TNRC6A: variants seen among roughly 807,000 people sequenced by gnomAD.
TNRC6A encodes the protein trinucleotide repeat containing adaptor 6A, also known as trinucleotide repeat-containing gene 6A protein.
In TNRC6A, 44 loss-of-function variants were observed where a neutral mutation model predicts 221.2. The observed-to-expected ratio is 0.20, with a 90% CI of 0.16 to 0.26. TNRC6A has a LOEUF of 0.26. Among genes scored for constraint, TNRC6A ranks in the 10% least tolerant of loss-of-function variants. TNRC6A has a pLI of 1.00. For synonymous variants in TNRC6A, 847 were observed against 838.5 expected (o/e 1.01, Z -0.18); for missense variants, 2,199 against 2,404.4 (o/e 0.91, Z 1.79).
chr16:24,819,963 G>A (rs893598723), intron 21 of TNRC6A, among the ~76,000 whole-genome samples, 176 bp from the exon 22 acceptor site: 22 of 152,178 alleles, frequency 1.4e-4, no homozygotes, highest in African/African-American at 5.1e-4. Context: ...TTGGAGGGAT[G>A]GAAAGCAGTT....
At chr16:24,642,544 G>C (rs1353592423) in intron 2 of TNRC6A, among the ~76,000 whole-genome samples, 2 of 152,164 alleles carry the variant, frequency 1.3e-5, no homozygotes, top group African/African-American at 4.8e-5. Flanking sequence ...CAGGCCGAGC[G>C]CAGTGGCTCA....
rs374153917 is a variant in TNRC6A, at chr16:24,687,825, A to G, written n.402+46816A>G. Among the ~76,000 whole-genome samples the G allele has an allele frequency of 1.5e-3, 199 of 134,846 alleles. 2 individuals carry two copies. Among genetic ancestry groups the G allele is most frequent in the African/African-American group, 5.2e-3 (175 of 33,580 alleles). The allele number at this position is 134,846 out of a possible 152,430, so 88.5% of individuals were successfully genotyped here. ...GAGAAGGAGAGGAAGAGGAAGAGGA[A>G]GAAGAGGAAGAGGAAGAGGAAGAAG... On this transcript the variant is annotated intron_variant and non_coding_transcript_variant, in intron 2 of 2. Transcript: ENST00000566108.
At chr16:24,793,449 C>T in intron 6 of TNRC6A, 24 bp from the exon 7 acceptor site, 1 of 1,383,662 alleles carries the variant, frequency 7.2e-7, no homozygotes, top group South Asian at 2.1e-5. Context: ...ATGCTGATGA[C>T]TTCTTTTCCC....
At chr16:24,729,367 G>A (rs1231463301), upstream of TNRC6A, among the ~76,000 whole-genome samples, 1 of 142,118 alleles carries the variant, frequency 7.0e-6, no homozygotes, top group Non-Finnish European at 1.5e-5. Context: ...TAGGAAACTT[G>A]TGTCGCAGCA....
At chr16:24,661,888 A>G (rs1171459792) in intron 2 of TNRC6A, 1 of 152,218 alleles carries the variant, frequency 6.6e-6, no homozygotes, top group Non-Finnish European at 1.5e-5. Flanking sequence ...TAACTGATAC[A>G]GTCCCCAAAA....
intron 3 of TNRC6A, among the ~76,000 whole-genome samples, chr16:24,758,007 T>G (rs2057287955): frequency 6.6e-6 from 1 of 152,342 alleles, no homozygotes; most frequent in Non-Finnish European, 1.5e-5. Flanking sequence ...AGGTGACAGT[T>G]TGTATAAAAA....
intron 3 of TNRC6A, among the ~76,000 whole-genome samples, chr16:24,753,670 G>A (rs992918813): frequency 6.6e-6 from 1 of 152,176 alleles, no homozygotes; most frequent in African/African-American, 2.4e-5. Context: ...GTCTTTTGTC[G>A]CTAGTAGGAG....
At chr16:24,777,780 A>T (rs1478478751) in intron 5 of TNRC6A, among the ~76,000 whole-genome samples, 1 of 152,220 alleles carries the variant, frequency 6.6e-6, no homozygotes, top group Non-Finnish European at 1.5e-5. Flanking sequence ...TAACTTGCCC[A>T]GGCTCATTCA....
In TNRC6A at chr16:24,820,226, C is replaced by A. The variant is rs752952488; in HGVS notation, c.5168C>A (p.Pro1723Gln). The A allele has an allele frequency of 1.2e-6, 2 of 1,614,162 alleles. No homozygotes were observed. Among genetic ancestry groups the A allele is most frequent in the East Asian group, 4.5e-5 (2 of 44,878 alleles). Residue 1723 changes from proline (P) to glutamine (Q), a missense_variant, in exon 22 of 25, where the codon CCA (proline) becomes CAA (glutamine). By Grantham distance (76) the Pro-to-Gln change is moderately conservative (BLOSUM62 -1). Coordinates refer to ENST00000395799, the MANE Select transcript of TNRC6A (RefSeq NM_014494.4). ...LAHELWKVPL[P>Q]PKNITAPSRP... ...CATGAGCTGTGGAAGGTCCCTTTGC[C>A]ACCTAAAAACATCACTGCTCCGTCC...
chr16:24,777,047 A>G lies in TNRC6A; in HGVS notation c.278A>G (p.Gln93Arg). 9 of 1,613,666 alleles carry G rather than the reference A, an allele frequency of 5.6e-6. No individual in the cohort carries two copies. Among genetic ancestry groups the G allele is most frequent in the Non-Finnish European group, 6.8e-6 (8 of 1,179,834 alleles). Reference sequence around the variant, plus strand: ...GCCAAGCGAGCTACAGCCAACAATCAGCAGCCACAGCAGCAGCAGCAACAG... The same window carrying G: ...GCCAAGCGAGCTACAGCCAACAATCGGCAGCCACAGCAGCAGCAGCAACAG... ...NNAKRATANN[Q>R]QPQQQQQQQQ... is the part of the protein sequence containing the mutation. Residue 93 changes from glutamine (Q) to arginine (R), a missense_variant, in exon 5 of 25, where the codon CAG becomes CGG. Around this residue, in one of 8 missense-constraint regions of TNRC6A, gnomAD observed 1,405 missense variants for 1,400.2 expected, o/e 1.00. Coordinates refer to ENST00000395799, the MANE Select transcript of TNRC6A (RefSeq NM_014494.4).
At position 24,730,183 on chromosome 16, in the gene TNRC6A, C is replaced by G. The variant is rs569650467; in HGVS notation, c.6-70C>G. On this transcript the variant is annotated intron_variant, in intron 1 of 24. Transcript: ENST00000395799. ...GCGCGAGCCTCTGCCGCAGCAGCTCCGTTTTCACGCGCATCTCGTTTTTGT... is the reference window on the plus strand; with the variant it reads ...GCGCGAGCCTCTGCCGCAGCAGCTCGGTTTTCACGCGCATCTCGTTTTTGT... 3.5e-5 allele frequency: 52 copies of G among 1,498,184 alleles called. No homozygotes were observed. In the East Asian group the frequency reaches 1.3e-3, roughly 37 times the overall value. The allele number at this position is 1,498,184 out of a possible 1,614,324, so 92.8% of individuals were successfully genotyped here. A position where few individuals can be genotyped will look rare whatever the true frequency, so the allele number is the denominator to read the frequency against.
intron 4 of TNRC6A, among the ~76,000 whole-genome samples, chr16:24,771,516 C>CATGTTATGTTACGTTATGTT (rs2057591004): frequency 2.3e-5 from 2 of 88,120 alleles, no homozygotes; most frequent in African/African-American, 9.6e-5. Flanking sequence ...GAGCCTGGTG[C>CATGTTATGTTACGTTATGTT]ATGTTATGTT....
At position 24,793,389 on chromosome 16, in the gene TNRC6A, C is replaced by G. The variant is rs532206528; in HGVS notation, c.3176-84C>G. On this transcript the variant is annotated intron_variant, in intron 6 of 24. Transcript: ENST00000395799. ...AAACATGAAGTTCTTCATCCTTGGT[C>G]CCTAAGTTTTCTTTATTGTCCCTTA... 17 of 1,045,590 alleles carry G rather than the reference C, an allele frequency of 1.6e-5. No homozygotes were observed. In the East Asian group the frequency reaches 4.9e-4, roughly 30 times the overall value. 64.8% of individuals were successfully genotyped at this position (1,045,590 alleles called of 1,614,324 possible). A position where few individuals can be genotyped will look rare whatever the true frequency, so the allele number is the denominator to read the frequency against.
At chr16:24,652,533 G>A (rs1902731879) in intron 2 of TNRC6A, among the ~76,000 whole-genome samples, 2 of 152,118 alleles carry the variant, frequency 1.3e-5, no homozygotes, top group Admixed American at 6.6e-5. Context: ...GCACCGATTG[G>A]CATCCAACCC....
chr16:24,788,648 CTTT>C (rs10564095), intron 5 of TNRC6A, among the ~76,000 whole-genome samples: 40 of 115,210 alleles, frequency 3.5e-4, no homozygotes, highest in Non-Finnish European at 4.4e-4. Context: ...CTCCAAAATT[CTTT>C]TTTTTTTTTT....
At position 24,809,217 on chromosome 16, in the gene TNRC6A, CTAAAT is replaced by C. The variant is rs1376653349; in HGVS notation, c.4541-130_4541-126del. On this transcript the variant is annotated intron_variant, in intron 17 of 24. Transcript: ENST00000395799. ...ATGGAGAAATATTTTCTACGTATAA[CTAAAT>C]TATAGTATTAACAGTTATGTGGTTT... The C allele has an allele frequency of 8.8e-6, 7 of 794,050 alleles. No homozygotes were observed. In the East Asian group the frequency reaches 1.7e-4, roughly 20 times the overall value. The allele number at this position is 794,050 out of a possible 1,614,324, so 49.2% of individuals were successfully genotyped here.
chr16:24,651,453 G>A lies in TNRC6A; in HGVS notation n.402+10444G>A, dbSNP rs555755629. 2.7e-5 allele frequency among the ~76,000 whole-genome samples: 4 copies of A among 145,942 alleles called. No individual in the cohort carries two copies. The East Asian group carries it at 6.2e-4, about 23-fold the overall frequency. On this transcript the variant is annotated intron_variant and non_coding_transcript_variant, in intron 2 of 2. Coordinates refer to the TNRC6A transcript ENST00000566108. The stretch of plus-strand genomic sequence containing the variant: ...CTCAGGAGGCTGAGGCAGGAGAATC[G>A]CCTGAACCTGGGAGGCGGAGGTTGC...
intron 17 of TNRC6A, among the ~76,000 whole-genome samples, chr16:24,807,285 A>G (rs1391830705): frequency 2.0e-5 from 3 of 152,206 alleles, no homozygotes; most frequent in Admixed American, 6.5e-5. Context: ...GATTACAGGC[A>G]TGAGCCACCA....
rs1596682140 is a variant in TNRC6A at position 24,777,140 on chromosome 16, A to C, written c.371A>C (p.Gln124Pro). 1 of 1,613,664 alleles carries C rather than the reference A, an allele frequency of 6.2e-7. No homozygotes were observed. Among genetic ancestry groups the C allele is most frequent in the South Asian group, 1.1e-5 (1 of 90,980 alleles). Residue 124 changes from glutamine to proline, a missense_variant, in exon 5 of 25, where the codon CAG becomes CCG. By Grantham distance (76) the Gln-to-Pro change is moderately conservative. This residue lies in a region of TNRC6A where 1,405 missense variants were observed against 1,400.2 expected (regional missense o/e 1.00). Transcript: ENST00000395799. ...QPQPQQQQPQ[Q>P]QPQALPRYPR... ...CAGCCGCAGCAGCAGCAGCCACAGC[A>C]GCAGCCACAGGCCTTGCCTCGGTAT...
Sources: gnomAD v4.1 joint callset for allele counts (sites outside exome capture counted in the v4.1 genomes callset) on GRCh38, gnomAD v4.1.1 for gene constraint, gnomAD v4.1.1 regional missense constraint, MANE v1.5 for transcripts, NCBI Gene and HGNC (gene_info 2026-07-23, HGNC 2026-07-21) for gene names.